The following HFM1 variants were observed in gnomAD, a reference collection of about 807,000 sequenced individuals.
HFM1 encodes probable ATP-dependent DNA helicase HFM1.
HFM1 carries 169 observed loss-of-function variants against 192.1 expected under a neutral mutation model. The observed-to-expected ratio is 0.88, with a 90% CI of 0.78 to 1.00. The LOEUF (loss-of-function observed/expected upper bound fraction) is 1.00. Among genes scored for constraint, HFM1 ranks in the 50% least tolerant of loss-of-function variants. The pLI, the probability that HFM1 is intolerant of heterozygous loss-of-function variation, is 0.00. For missense variants in HFM1, 1,661 were observed against 1,668.0 expected, an observed-to-expected ratio of 1.00 and a Z score of 0.07; for synonymous variants, 525 against 537.8, an observed-to-expected ratio of 0.98 and a Z score of 0.33.
intron 13 of HFM1, among the ~76,000 whole-genome samples, chr1:91,364,739 T>C (rs1443125762): frequency 6.7e-6 from 1 of 149,310 alleles, no homozygotes; most frequent in Admixed American, 6.7e-5. Flanking sequence ...GTTCACGCCA[T>C]TCTCCTGCCT....
chr1:91,306,946 C>G (rs1318535171), intron 30 of HFM1, among the ~76,000 whole-genome samples: 2 of 152,086 alleles, frequency 1.3e-5, no homozygotes, highest in Non-Finnish European at 2.9e-5. Context: ...CATTTTAACC[C>G]AAACTATGTC....
intron 13 of HFM1, 81 bp downstream of exon 13, chr1:91,375,277 T>C: frequency 2.1e-6 from 2 of 939,434 alleles, no homozygotes; most frequent in Non-Finnish European, 1.7e-6. Flanking sequence ...CCCAAGGTTA[T>C]GGGACAAGCC....
At chr1:91,265,511 C>T (rs1259497130) in intron 36 of HFM1, among the ~76,000 whole-genome samples, 4 of 420 alleles carry the variant, frequency 9.5e-3, no homozygotes, top group South Asian at 0.33. Context: ...TTTGGGTTTG[C>T]GACCCGACTG....
intron 21 of HFM1, among the ~76,000 whole-genome samples, chr1:91,323,540 C>CCTACTCCTAATA (rs1553200743): frequency 1.3e-5 from 2 of 152,064 alleles, no homozygotes; most frequent in Non-Finnish European, 2.9e-5. Context: ...TTTTGTTACT[C>CCTACTCCTAATA]CTACTCCTAA....
chr1:91,289,914 A>AC (rs1487404210), intron 30 of HFM1, among the ~76,000 whole-genome samples: 1 of 151,902 alleles, frequency 6.6e-6, no homozygotes, highest in Non-Finnish European at 1.5e-5. Context: ...TAAAGAAAAT[A>AC]ATTTTCAGCC....
chr1:91,389,218 G>C (rs1662625346), intron 4 of HFM1, among the ~76,000 whole-genome samples: 1 of 148,764 alleles, frequency 6.7e-6, no homozygotes, highest in Admixed American at 6.8e-5. Flanking sequence ...CTGGAGTGCA[G>C]TGGTGTGATC....
chr1:91,332,205 T>C (rs958023494), intron 20 of HFM1, among the ~76,000 whole-genome samples: 4 of 152,152 alleles, frequency 2.6e-5, no homozygotes, highest in African/African-American at 9.7e-5. Context: ...TTTCAAACTA[T>C]ACTACAGAGC....
intron 18 of HFM1, 79 bp from the exon 19 acceptor site, chr1:91,347,555 G>T: frequency 1.2e-6 from 1 of 815,460 alleles, no homozygotes; most frequent in South Asian, 2.1e-5. Flanking sequence ...CTAGTGAAGA[G>T]CAGTCTAATG....
intron 30 of HFM1, among the ~76,000 whole-genome samples, chr1:91,305,956 C>T (rs986402098): frequency 1.3e-5 from 2 of 152,184 alleles, no homozygotes; most frequent in East Asian, 1.9e-4. Context: ...ATTCTTGTAA[C>T]ATTCTCCAAC....
At chr1:91,389,862 T>C (rs1449611776) in intron 4 of HFM1, among the ~76,000 whole-genome samples, 1 of 152,172 alleles carries the variant, frequency 6.6e-6, no homozygotes, top group East Asian at 1.9e-4. Context: ...CTCTCAAATA[T>C]TGCTGATGGG....
At chr1:91,295,053 C>T (rs1049791049) in intron 30 of HFM1, among the ~76,000 whole-genome samples, 2 of 151,980 alleles carry the variant, frequency 1.3e-5, no homozygotes, top group Non-Finnish European at 2.9e-5. Context: ...TCACTTAAGT[C>T]CTTTTGATGG....
At chr1:91,273,129 G>A (rs533879572) in intron 34 of HFM1, among the ~76,000 whole-genome samples, 159 of 151,916 alleles carry the variant, frequency 1.0e-3, no homozygotes, top group African/African-American at 3.4e-3. Flanking sequence ...ATTTAATGAC[G>A]GACACAGATA....
intron 1 of HFM1, among the ~76,000 whole-genome samples, chr1:91,403,043 T>C (rs1664468946): frequency 2.8e-5 from 2 of 71,644 alleles, no homozygotes; most frequent in Non-Finnish European, 5.3e-5. Flanking sequence ...TTTTAGTTCT[T>C]ATATACTCCT....
At chr1:91,291,666 A>G (rs1290060509) in intron 30 of HFM1, among the ~76,000 whole-genome samples, 11 of 152,260 alleles carry the variant, frequency 7.2e-5, no homozygotes, top group East Asian at 1.9e-4. Flanking sequence ...TATTCCAATC[A>G]ATAGAAAAAG....
At chr1:91,276,239 G>A (rs1237675016) in intron 32 of HFM1, among the ~76,000 whole-genome samples, 3 of 152,132 alleles carry the variant, frequency 2.0e-5, no homozygotes, top group Non-Finnish European at 4.4e-5. Flanking sequence ...AATGTGGATT[G>A]AGTACCTTTT....
chr1:91,355,769 A>AG (rs1188359339), intron 13 of HFM1, among the ~76,000 whole-genome samples: 2 of 152,206 alleles, frequency 1.3e-5, no homozygotes, highest in Non-Finnish European at 2.9e-5. Flanking sequence ...CAATAATAGG[A>AG]GGGGTCTTCA....
In HFM1 at chr1:91,276,629, T is replaced by C; in HGVS notation, c.3587A>G (p.Lys1196Arg). 6.9e-7 allele frequency: 1 copy of C among 1,441,104 alleles called. No individual in the cohort carries two copies. The highest frequency in any genetic ancestry group is 9.5e-7 in the Non-Finnish European group (1 of 1,053,858). The allele number at this position is 1,441,104 out of a possible 1,614,324, so 89.3% of individuals were successfully genotyped here. The change falls in exon 32 of 39, where the codon AAG becomes AGG. Residue 1196 changes from lysine (K) to arginine (R), a missense_variant and splice_region_variant. Lys to Arg is a conservative substitution (Grantham distance 26). Transcript: ENST00000370425. ...VSSVPPVKRL[K>R]IQMNKSQSVD... ...GGGAAAAATGTTATTAAAACTAACC[T>C]TCAGACGTTTAACTGGAGGAACAGA...
Position 91,350,785 on chromosome 1 carries a change from C to A in HFM1, c.2159G>T (p.Arg720Leu). Residue 720 changes from arginine (R) to leucine (L), a missense_variant, in exon 18 of 39, where the codon CGA becomes CTA. Coordinates refer to ENST00000370425, the MANE Select transcript of HFM1 (RefSeq NM_001017975.6). ...TDVNIAVEWI[R>L]STLLYIRALK... ...GGCTCTGATATAAAGCAGAGTTGAT[C>A]GTATCCATTCCACAGCAATATTCAC... The A allele has an allele frequency of 3.1e-6, 5 of 1,610,942 alleles. No individual in the cohort carries two copies. Among genetic ancestry groups the A allele is most frequent in the Non-Finnish European group, 4.2e-6 (5 of 1,178,130 alleles).
intron 1 of HFM1, among the ~76,000 whole-genome samples, chr1:91,404,417 G>C (rs959702923): frequency 4.6e-5 from 7 of 152,180 alleles, no homozygotes; most frequent in East Asian, 1.9e-4. Context: ...AGACAGATGG[G>C]TACGTCCCCC....
Sources: gnomAD v4.1 joint callset for allele counts (sites outside exome capture counted in the v4.1 genomes callset) on GRCh38, gnomAD v4.1.1 for gene constraint, MANE v1.5 for transcripts, NCBI Gene and HGNC (gene_info 2026-07-23, HGNC 2026-07-21) for gene names.